The following SLC8A3 variants were observed in gnomAD, a reference collection of about 807,000 sequenced individuals.
SLC8A3 encodes the protein solute carrier family 8 member A3.
Under a neutral mutation model 65.4 loss-of-function variants are expected in SLC8A3, and 37 were observed. The ratio of observed to expected loss-of-function variants is 0.57; its 90% confidence interval spans 0.44 to 0.74. SLC8A3 has a LOEUF of 0.74. Among genes scored for constraint, SLC8A3 ranks in the 30% least tolerant of loss-of-function variants. The pLI, the probability that SLC8A3 is intolerant of heterozygous loss-of-function variation, is 0.00. For synonymous variants in SLC8A3, 461 were observed against 444.5 expected (o/e 1.04, Z -0.47); for missense variants, 1,112 against 1,172.1 (o/e 0.95, Z 0.75).
Position 70,051,061 on chromosome 14 carries a change from ACAAC to A in SLC8A3, c.2056_2059del (p.Val686TrpfsTer43), listed in dbSNP as rs761449747. The stretch of plus-strand genomic sequence containing the variant: ...CTGGTCCCTCCAGGAATGGGTCCCC[ACAAC>A]CAAGGCCAGGTTTGTCTTCTTGATC... On this transcript the variant is annotated frameshift_variant, in exon 5 of 7. Transcript: ENST00000356921. LOFTEE classifies it high-confidence loss of function. The A allele has an allele frequency of 6.2e-7, 1 of 1,613,792 alleles. No homozygotes were observed. The highest frequency in any genetic ancestry group is 8.5e-7 in the Non-Finnish European group (1 of 1,179,728).
intron 2 of SLC8A3, among the ~76,000 whole-genome samples, chr14:70,097,387 C>A (rs1892258721): frequency 6.6e-6 from 1 of 151,934 alleles, no homozygotes; most frequent in South Asian, 2.1e-4. Context: ...ATAAATGGTT[C>A]TGTGTACAGA....
At chr14:70,177,143 T>G (rs1259348887) in intron 1 of SLC8A3, among the ~76,000 whole-genome samples, 1 of 152,268 alleles carries the variant, frequency 6.6e-6, no homozygotes, top group Non-Finnish European at 1.5e-5. Flanking sequence ...TATTTCTGTA[T>G]GCCCAGTGCC....
At chr14:70,119,806 T>A (rs1214714322) in intron 2 of SLC8A3, among the ~76,000 whole-genome samples, 1 of 152,238 alleles carries the variant, frequency 6.6e-6, no homozygotes, top group African/African-American at 2.4e-5. Flanking sequence ...ATGAAATAAT[T>A]CTTGGCACAT....
At chr14:70,088,472 G>C (rs964444968) in intron 2 of SLC8A3, among the ~76,000 whole-genome samples, 1 of 152,166 alleles carries the variant, frequency 6.6e-6, no homozygotes, top group Admixed American at 6.5e-5. Flanking sequence ...GGCTATCAAT[G>C]CTTCTCCTGC....
intron 2 of SLC8A3, among the ~76,000 whole-genome samples, chr14:70,142,170 G>C (rs1052343613): frequency 6.6e-6 from 1 of 152,240 alleles, no homozygotes; most frequent in Non-Finnish European, 1.5e-5. Context: ...CTGATATGGA[G>C]GGTGACCATT....
chr14:70,177,073 AT>A (rs1227298503), intron 1 of SLC8A3, among the ~76,000 whole-genome samples: 1 of 152,106 alleles, frequency 6.6e-6, no homozygotes, highest in African/African-American at 2.4e-5. Context: ...TTCCAAACTC[AT>A]TTTTTTCCAC....
chr14:70,113,286 T>C (rs561601942), intron 2 of SLC8A3, among the ~76,000 whole-genome samples: 2 of 152,306 alleles, frequency 1.3e-5, no homozygotes, highest in South Asian at 4.1e-4. Flanking sequence ...TACAAACCTG[T>C]ACAACAGGTT....
intron 2 of SLC8A3, among the ~76,000 whole-genome samples, chr14:70,138,510 A>G (rs1387835641): frequency 3.3e-5 from 5 of 152,176 alleles, no homozygotes; most frequent in Non-Finnish European, 7.3e-5. Flanking sequence ...CTACTGCACC[A>G]TTCATCGGAA....
intron 1 of SLC8A3, among the ~76,000 whole-genome samples, chr14:70,184,966 CTTTTT>C (rs11337843): frequency 9.2e-6 from 1 of 108,646 alleles, no homozygotes. Context: ...TTTTTCTTTT[CTTTTT>C]TTTTTTTTTT....
intron 2 of SLC8A3, among the ~76,000 whole-genome samples, chr14:70,152,949 G>T (rs1896363245): frequency 6.6e-6 from 1 of 152,182 alleles, no homozygotes. Flanking sequence ...AGCATCAAAG[G>T]CAGCCCAGGC....
rs977380249 is a variant in SLC8A3 at position 70,046,529 on chromosome 14, A to G, written c.2390-206T>C. On this transcript the variant is annotated intron_variant, in intron 6 of 6. Transcript: ENST00000356921. This position sits in a 1 kb window ranked among gnomAD's most constrained non-coding sequence, Gnocchi z 4.2. ...GTCACATCCCTAGTCTGGGCTTCCC[A>G]TTCCTCATCTGCAGTGATCTGAAAG... is the stretch of plus-strand genomic sequence containing the variant. 1.8e-6 allele frequency: 1 copy of G among 542,638 alleles called. No homozygotes were observed. The highest frequency in any genetic ancestry group is 3.1e-5 in the Admixed American group (1 of 32,214). 33.6% of individuals were successfully genotyped at this position (542,638 alleles called of 1,614,324 possible).
chr14:70,160,983 G>A (rs992060753), intron 2 of SLC8A3, among the ~76,000 whole-genome samples: 3 of 151,044 alleles, frequency 2.0e-5, no homozygotes, highest in Non-Finnish European at 4.4e-5. Flanking sequence ...GGTGGCTCAC[G>A]CCTGTAATCC....
At chr14:70,081,533 TG>T (rs1891050899) in intron 2 of SLC8A3, among the ~76,000 whole-genome samples, 1 of 152,202 alleles carries the variant, frequency 6.6e-6, no homozygotes, top group Non-Finnish European at 1.5e-5. Flanking sequence ...AACTGCCCTC[TG>T]GGCCTCCATC....
intron 2 of SLC8A3, among the ~76,000 whole-genome samples, chr14:70,081,950 T>A (rs1330199633): frequency 6.6e-6 from 1 of 152,214 alleles, no homozygotes; most frequent in African/African-American, 2.4e-5. Flanking sequence ...GATGCTCCCC[T>A]CCCTTATAAA....
chr14:70,118,068 T>C (rs751540882), intron 2 of SLC8A3, among the ~76,000 whole-genome samples: 1 of 152,240 alleles, frequency 6.6e-6, no homozygotes, highest in Non-Finnish European at 1.5e-5. Flanking sequence ...TCTTCCTTCA[T>C]GACTGTCATC....
chr14:70,067,060 C>T (rs1415479857), intron 2 of SLC8A3, among the ~76,000 whole-genome samples: 1 of 152,190 alleles, frequency 6.6e-6, no homozygotes, highest in Non-Finnish European at 1.5e-5. Flanking sequence ...CTGCTGACCC[C>T]TCAGACCTCG....
At chr14:70,064,690 T>C (rs1164755600) in intron 2 of SLC8A3, among the ~76,000 whole-genome samples, 1 of 152,194 alleles carries the variant, frequency 6.6e-6, no homozygotes, top group Non-Finnish European at 1.5e-5. Context: ...TCACATTAAC[T>C]CTAGGGCTCT....
At chr14:70,178,226 G>A (rs1378429055) in intron 1 of SLC8A3, among the ~76,000 whole-genome samples, 1 of 152,186 alleles carries the variant, frequency 6.6e-6, no homozygotes, top group Non-Finnish European at 1.5e-5. Context: ...AGGACTTCCT[G>A]TAACTGTGGG....
At chr14:70,099,858 A>C (rs1384166507) in intron 2 of SLC8A3, among the ~76,000 whole-genome samples, 1 of 152,156 alleles carries the variant, frequency 6.6e-6, no homozygotes, top group African/African-American at 2.4e-5. Flanking sequence ...TAAACTCCTA[A>C]AGCCAGAATC....
Sources: gnomAD v4.1 joint callset for allele counts (sites outside exome capture counted in the v4.1 genomes callset) on GRCh38, gnomAD v4.1.1 for gene constraint, Gnocchi (gnomAD v3.1) non-coding constraint, MANE v1.5 for transcripts, NCBI Gene and HGNC (gene_info 2026-07-23, HGNC 2026-07-21) for gene names.